ARSJ: variants seen among roughly 807,000 people sequenced by gnomAD.
ARSJ encodes the protein arylsulfatase J.
In ARSJ, 26 loss-of-function variants were observed where a neutral mutation model predicts 35.9. That is an observed-to-expected ratio of 0.72 (90% confidence interval 0.53 to 1.00). The LOEUF (loss-of-function observed/expected upper bound fraction) is 1.00, where lower values mean the gene tolerates loss of function less well. ARSJ is among the 50% of genes least tolerant of loss of function. ARSJ has a pLI of 0.00. For synonymous variants in ARSJ, 294 were observed against 267.6 expected, an observed-to-expected ratio of 1.10 and a Z score of -0.96; for missense variants, 667 against 723.6, an observed-to-expected ratio of 0.92 and a Z score of 0.90.
At chr4:113,938,546 A>AG (rs2149267989) in intron 1 of ARSJ, among the ~76,000 whole-genome samples, 1 of 152,212 alleles carries the variant, frequency 6.6e-6, no homozygotes, top group South Asian at 2.1e-4. Context: ...AATAGAATCT[A>AG]AGTAAAATAA....
At chr4:113,961,821 C>T (rs1409887084) in intron 1 of ARSJ, among the ~76,000 whole-genome samples, 1 of 151,658 alleles carries the variant, frequency 6.6e-6, no homozygotes, top group African/African-American at 2.4e-5. Context: ...ACTGCTCAGA[C>T]TCTTTTGCCT....
At chr4:113,913,154 G>A (rs1228285440) in intron 1 of ARSJ, among the ~76,000 whole-genome samples, 1 of 152,018 alleles carries the variant, frequency 6.6e-6, no homozygotes, top group East Asian at 1.9e-4. Context: ...CACTACACAA[G>A]CAGATAAGGA....
At chr4:113,950,165 A>G (rs932125329) in intron 1 of ARSJ, among the ~76,000 whole-genome samples, 1 of 152,098 alleles carries the variant, frequency 6.6e-6, no homozygotes, top group African/African-American at 2.4e-5. Flanking sequence ...GGACTGTCTG[A>G]AAGGAGAAAC....
chr4:113,972,537 T>A (rs1457687491), intron 1 of ARSJ, among the ~76,000 whole-genome samples: 1 of 152,110 alleles, frequency 6.6e-6, no homozygotes, highest in Non-Finnish European at 1.5e-5. Context: ...AGAGATGGGG[T>A]CTTGCTCTGT....
chr4:113,919,082 C>T (rs1723503976), intron 1 of ARSJ, among the ~76,000 whole-genome samples: 1 of 151,968 alleles, frequency 6.6e-6, no homozygotes, highest in Non-Finnish European at 1.5e-5. Flanking sequence ...TTGGTTTTTA[C>T]AAAAAGTTAA....
intron 1 of ARSJ, among the ~76,000 whole-genome samples, chr4:113,963,294 T>C (rs1372756064): frequency 6.6e-6 from 1 of 152,078 alleles, no homozygotes; most frequent in East Asian, 1.9e-4. Flanking sequence ...AAGGACTGCC[T>C]GAGACTGGGT....
At chr4:113,954,764 T>A (rs1175093693) in intron 1 of ARSJ, among the ~76,000 whole-genome samples, 1 of 152,114 alleles carries the variant, frequency 6.6e-6, no homozygotes, top group African/African-American at 2.4e-5. Flanking sequence ...TGGAATCTTA[T>A]AAAAGTTGGG....
At chr4:113,941,192 A>T (rs909679398) in intron 1 of ARSJ, among the ~76,000 whole-genome samples, 1 of 152,036 alleles carries the variant, frequency 6.6e-6, no homozygotes, top group African/African-American at 2.4e-5. Context: ...ATGAGAACAC[A>T]CTCCATATTC....
chr4:113,908,679 T>G (rs1381760950), intron 1 of ARSJ, among the ~76,000 whole-genome samples: 2 of 152,212 alleles, frequency 1.3e-5, no homozygotes, highest in Non-Finnish European at 2.9e-5. Flanking sequence ...TTTAAGCATG[T>G]TCCCCTAATA....
intron 1 of ARSJ, among the ~76,000 whole-genome samples, chr4:113,924,096 T>TAA (rs1562345762): frequency 3.8e-5 from 5 of 133,142 alleles, no homozygotes; most frequent in East Asian, 4.2e-4. Flanking sequence ...TATATATATA[T>TAA]ATATATATAT....
At chr4:113,926,471 A>G (rs1250208899) in intron 1 of ARSJ, among the ~76,000 whole-genome samples, 1 of 152,170 alleles carries the variant, frequency 6.6e-6, no homozygotes, top group Non-Finnish European at 1.5e-5. Flanking sequence ...GTGCAGAACC[A>G]TCTATGAATC....
chr4:113,931,210 A>C (rs1724428469), intron 1 of ARSJ, among the ~76,000 whole-genome samples: 1 of 152,058 alleles, frequency 6.6e-6, no homozygotes, highest in Non-Finnish European at 1.5e-5. Context: ...GTATAAATAA[A>C]TGTACATAAA....
chr4:113,911,997 G>T (rs6533728), intron 1 of ARSJ, among the ~76,000 whole-genome samples: 99,433 of 151,984 alleles, frequency 0.65, 33,988 homozygotes, highest in Non-Finnish European at 0.76. Flanking sequence ...ATCACCATAA[G>T]GTTTTTCACC....
intron 1 of ARSJ, among the ~76,000 whole-genome samples, chr4:113,914,242 G>A (rs1723138530): frequency 6.6e-6 from 1 of 152,104 alleles, no homozygotes; most frequent in Non-Finnish European, 1.5e-5. Flanking sequence ...AAAGTGCTGG[G>A]ATTACATGTG....
intron 1 of ARSJ, among the ~76,000 whole-genome samples, chr4:113,958,930 C>A (rs543761706): frequency 1.3e-4 from 20 of 152,038 alleles, no homozygotes; most frequent in African/African-American, 4.1e-4. Flanking sequence ...AGATTAAACC[C>A]CGCACGCAGG....
chr4:113,978,427 G>C lies in ARSJ; in HGVS notation c.398+10C>G. ...TCCAAGGAATAAATATAAGAAGTAG[G>C]AACACTTACTTTCCAGTAATAAACT... is the stretch of plus-strand genomic sequence containing the variant. On this transcript the variant is annotated intron_variant, in intron 1 of 1. Transcript: ENST00000315366. The C allele has an allele frequency of 1.3e-6, 2 of 1,570,156 alleles. No homozygotes were observed. Among genetic ancestry groups the C allele is most frequent in the Non-Finnish European group, 1.7e-6 (2 of 1,159,076 alleles).
chr4:113,907,740 C>G (rs1402547886), intron 1 of ARSJ, among the ~76,000 whole-genome samples: 1 of 152,046 alleles, frequency 6.6e-6, no homozygotes, highest in Non-Finnish European at 1.5e-5. Context: ...GTATAACCCA[C>G]AGAATACTAT....
At position 113,902,440 on chromosome 4, in the gene ARSJ, C is replaced by T; in HGVS notation, c.1634G>A (p.Arg545Lys). Residue 545 changes from arginine (R) to lysine (K), a missense_variant, in exon 2 of 2, where the codon AGG becomes AAG. Coordinates refer to ENST00000315366, the MANE Select transcript of ARSJ (RefSeq NM_024590.4). ...YPPKDPRSNP[R>K]LNGGVWGPWY... ...TGGTCCCCAGACCCCTCCATTGAGC[C>T]TAGGGTTACTTCTGGGGTCTTTGGG... is the stretch of plus-strand genomic sequence containing the variant. 2 of 1,613,984 alleles carry T rather than the reference C, an allele frequency of 1.2e-6. No homozygotes were observed. Among genetic ancestry groups the T allele is most frequent in the Non-Finnish European group, 1.7e-6 (2 of 1,180,000 alleles).
intron 1 of ARSJ, among the ~76,000 whole-genome samples, chr4:113,932,306 T>C (rs558582186): frequency 6.6e-6 from 1 of 152,064 alleles, no homozygotes; most frequent in East Asian, 1.9e-4. Context: ...ATAGACAAAT[T>C]ATCCAGATAG....
Sources: allele counts gnomAD v4.1 joint callset (sites outside exome capture counted in the v4.1 genomes callset), GRCh38; gene constraint gnomAD v4.1.1; transcripts MANE v1.5; gene names NCBI Gene and HGNC (gene_info 2026-07-23, HGNC 2026-07-21).